Variants in AMPH observed in about 807,000 individuals in gnomAD.
The protein encoded by AMPH is amphiphysin (Stiff-Mann syndrome with breast cancer 128kD autoantigen).
In AMPH, 49 loss-of-function variants were observed where a neutral mutation model predicts 99.1. The ratio of observed to expected loss-of-function variants is 0.49; its 90% CI spans 0.39 to 0.63. The LOEUF (loss-of-function observed/expected upper bound fraction) is 0.63. AMPH is among the 20% of genes least tolerant of loss of function. The pLI is 0.00. For missense variants in AMPH, 759 were observed against 863.4 expected (o/e 0.88, Z 1.52); for synonymous variants, 314 against 317.3 (o/e 0.99, Z 0.11).
chr7:38,566,558 A>T (rs910016241), intron 1 of AMPH, among the ~76,000 whole-genome samples: 7 of 152,230 alleles, frequency 4.6e-5, no homozygotes, highest in Non-Finnish European at 1.0e-4. Context: ...GGATCTAATT[A>T]AACTAAAGAG....
At chr7:38,564,353 G>A (rs1382994394) in intron 1 of AMPH, among the ~76,000 whole-genome samples, 2 of 152,180 alleles carry the variant, frequency 1.3e-5, no homozygotes, top group African/African-American at 4.8e-5. Context: ...AGAGATGGGA[G>A]GGCTGTGGAA....
intron 2 of AMPH, among the ~76,000 whole-genome samples, chr7:38,515,859 T>C (rs968732620): frequency 2.0e-5 from 3 of 152,182 alleles, no homozygotes; most frequent in Non-Finnish European, 4.4e-5. Context: ...AGGAACTTAT[T>C]AGGAACTGGA....
chr7:38,610,287 A>G (rs758139889), intron 1 of AMPH, among the ~76,000 whole-genome samples: 32 of 27,206 alleles, frequency 1.2e-3, no homozygotes, highest in African/African-American at 2.8e-3. Flanking sequence ...AAAGAAAGAA[A>G]GAAAGAAAGA....
chr7:38,447,341 G>A (rs1562761602), intron 11 of AMPH, among the ~76,000 whole-genome samples: 1 of 152,024 alleles, frequency 6.6e-6, no homozygotes, highest in Non-Finnish European at 1.5e-5. Flanking sequence ...CTATTTAAAT[G>A]GAAAAAAGTG....
intron 11 of AMPH, among the ~76,000 whole-genome samples, chr7:38,447,751 A>AACACACACAC (rs34380529): frequency 5.7e-5 from 8 of 139,756 alleles, no homozygotes; most frequent in South Asian, 2.2e-4. Context: ...CAGACAGATA[A>AACACACACAC]ACACACACAC....
At chr7:38,601,407 C>A (rs1002996603) in intron 1 of AMPH, among the ~76,000 whole-genome samples, 1 of 152,220 alleles carries the variant, frequency 6.6e-6, no homozygotes, top group Non-Finnish European at 1.5e-5. Context: ...TTATTTCACA[C>A]TTAAATTATT....
intron 1 of AMPH, among the ~76,000 whole-genome samples, chr7:38,567,585 C>T (rs945435919): frequency 6.6e-6 from 1 of 152,166 alleles, no homozygotes; most frequent in African/African-American, 2.4e-5. Flanking sequence ...ACTATTATCA[C>T]AATGCATTGC....
chr7:38,449,812 T>C (rs552800522), intron 11 of AMPH, among the ~76,000 whole-genome samples: 3 of 152,274 alleles, frequency 2.0e-5, no homozygotes, highest in East Asian at 1.9e-4. Flanking sequence ...TCCAGAAATA[T>C]GTTATGTTGA....
rs376243793 is a variant in AMPH, at chr7:38,422,385, A to G, written c.1272+36T>C. ...GCTTTAGAACATTCAGTGATAACTAACAACTTCCTGAGAGCACAAACCCAA... is the reference window on the plus strand; with the variant it reads ...GCTTTAGAACATTCAGTGATAACTAGCAACTTCCTGAGAGCACAAACCCAA... On this transcript the variant is annotated intron_variant, in intron 16 of 20. Transcript: ENST00000356264. 1.3e-5 allele frequency: 20 copies of G among 1,571,782 alleles called. No individual in the cohort carries two copies. The African/African-American group carries it at 1.8e-4, about 14-fold the overall frequency.
At chr7:38,523,884 A>G (rs1472048753) in intron 2 of AMPH, among the ~76,000 whole-genome samples, 2 of 152,116 alleles carry the variant, frequency 1.3e-5, no homozygotes, top group Non-Finnish European at 2.9e-5. Flanking sequence ...GTCTCAAACT[A>G]TATCCCCACA....
At chr7:38,416,471 G>A (rs375611670) in intron 17 of AMPH, among the ~76,000 whole-genome samples, 12 of 152,118 alleles carry the variant, frequency 7.9e-5, no homozygotes, top group African/African-American at 2.9e-4. Flanking sequence ...GATGAAGTTG[G>A]TGCTGCTGTT....
chr7:38,587,129 G>A (rs1029035214), intron 1 of AMPH, among the ~76,000 whole-genome samples: 3 of 152,080 alleles, frequency 2.0e-5, no homozygotes, highest in Admixed American at 6.6e-5. Flanking sequence ...TGAGACTGTG[G>A]GGCTCTCACC....
chr7:38,472,253 T>G (rs1388558256), intron 7 of AMPH, among the ~76,000 whole-genome samples: 1 of 152,138 alleles, frequency 6.6e-6, no homozygotes, highest in Admixed American at 6.5e-5. Flanking sequence ...TACAAAATAC[T>G]AATTTCAATT....
chr7:38,486,187 T>C (rs1788485718), intron 5 of AMPH, among the ~76,000 whole-genome samples: 1 of 149,422 alleles, frequency 6.7e-6, no homozygotes, highest in Non-Finnish European at 1.5e-5. Context: ...CAGATAAAAT[T>C]AACAAACTTT....
chr7:38,567,541 A>AT (rs1238918905), intron 1 of AMPH, among the ~76,000 whole-genome samples: 2 of 150,926 alleles, frequency 1.3e-5, no homozygotes, highest in East Asian at 2.1e-4. Context: ...TATAATAAAA[A>AT]TTAAAAAAAT....
chr7:38,528,074 C>T (rs1790255676), intron 2 of AMPH, among the ~76,000 whole-genome samples: 1 of 152,104 alleles, frequency 6.6e-6, no homozygotes, highest in Admixed American at 6.5e-5. Flanking sequence ...TTAAACCAGC[C>T]TCGCATATCC....
chr7:38,396,450 T>C (rs552277301), intron 17 of AMPH, among the ~76,000 whole-genome samples: 39 of 152,336 alleles, frequency 2.6e-4, no homozygotes, highest in African/African-American at 8.9e-4. Context: ...GTAAGTCCAA[T>C]AAACCTCTTT....
intron 12 of AMPH, among the ~76,000 whole-genome samples, chr7:38,434,457 G>T (rs2267809): frequency 0.49 from 75,085 of 151,974 alleles, 19,413 homozygotes; most frequent in East Asian, 0.67. Flanking sequence ...AATGAAGCAT[G>T]GGCCGGGCAT....
intron 1 of AMPH, among the ~76,000 whole-genome samples, chr7:38,615,945 T>C (rs1864888): frequency 0.08 from 12,214 of 152,222 alleles, 824 homozygotes; most frequent in African/African-American, 0.17. Context: ...CACTGGCCTC[T>C]GCTAGAGCCA....
Sources: allele counts gnomAD v4.1 joint callset (sites outside exome capture counted in the v4.1 genomes callset), GRCh38; gene constraint gnomAD v4.1.1; transcripts MANE v1.5; gene names NCBI Gene and HGNC (gene_info 2026-07-23, HGNC 2026-07-21).